The following TMEM170B variants were observed in gnomAD, a reference collection of about 807,000 sequenced individuals.
TMEM170B encodes transmembrane protein 170B.
In TMEM170B, 6 loss-of-function variants were observed where a neutral mutation model predicts 13.0. The ratio of observed to expected loss-of-function variants is 0.46; its 90% confidence interval spans 0.25 to 0.91. The LOEUF (loss-of-function observed/expected upper bound fraction) is 0.91. TMEM170B is among the 40% of genes least tolerant of loss of function. The pLI is 0.17. For synonymous variants in TMEM170B, 61 were observed against 64.9 expected (o/e 0.94, Z 0.29); for missense variants, 138 against 165.2 (o/e 0.84, Z 0.90).
chr6:11,545,532 C>T (rs1165922636), intron 1 of TMEM170B, among the ~76,000 whole-genome samples: 1 of 152,028 alleles, frequency 6.6e-6, no homozygotes, highest in Non-Finnish European at 1.5e-5. Context: ...GAGATCATGG[C>T]CGTCCTAATG....
Position 11,579,478 on chromosome 6 carries a change from A to G in TMEM170B, c.*3917A>G, listed in dbSNP as rs551619854. On this transcript the variant is annotated 3_prime_UTR_variant, in exon 3 of 3. Coordinates refer to ENST00000379426, the MANE Select transcript of TMEM170B (RefSeq NM_001100829.3). ...AATTACATTTTGCAATTGCATTACC[A>G]ATTGAATATGTTGTTTTGTAAAATT... 1 of 152,236 alleles carries G rather than the reference A, an allele frequency of 6.6e-6. No homozygotes were observed. The highest frequency in any genetic ancestry group is 1.5e-5 in the Non-Finnish European group (1 of 68,044). 9.4% of individuals were successfully genotyped at this position (152,236 alleles called of 1,614,324 possible). A position where few individuals can be genotyped will look rare whatever the true frequency, so the allele number is the denominator to read the frequency against.
At chr6:11,555,002 A>G (rs1404519396) in intron 1 of TMEM170B, among the ~76,000 whole-genome samples, 1 of 152,106 alleles carries the variant, frequency 6.6e-6, no homozygotes, top group Non-Finnish European at 1.5e-5. Context: ...CTTGGTGTAA[A>G]GTTTGCATCT....
In TMEM170B at chr6:11,538,394, TG is replaced by T; in HGVS notation, c.97+24del. The T allele has an allele frequency of 2.7e-6, 4 of 1,490,906 alleles. No homozygotes were observed. Among genetic ancestry groups the T allele is most frequent in the Non-Finnish European group, 1.8e-6 (2 of 1,119,330 alleles). The allele number at this position is 1,490,906 out of a possible 1,614,324, so 92.4% of individuals were successfully genotyped here. A position where few individuals can be genotyped will look rare whatever the true frequency, so the allele number is the denominator to read the frequency against. ...TCACGGGTAATTGACGCGCCTGGGC[TG>T]GGGACGGGGATGCGGTCCGCCCCTC... On this transcript the variant is annotated intron_variant, in intron 1 of 2. Transcript: ENST00000379426.
At chr6:11,541,245 AT>A (rs1759356726) in intron 1 of TMEM170B, among the ~76,000 whole-genome samples, 1 of 152,170 alleles carries the variant, frequency 6.6e-6, no homozygotes, top group Non-Finnish European at 1.5e-5. Context: ...CAAGTCCTAA[AT>A]GGCATCTTCT....
intron 1 of TMEM170B, among the ~76,000 whole-genome samples, chr6:11,548,656 A>G (rs1211846070): frequency 2.0e-5 from 3 of 152,188 alleles, no homozygotes; most frequent in East Asian, 3.8e-4. Context: ...CATAATAGCA[A>G]AGACTTGGAA....
intron 1 of TMEM170B, among the ~76,000 whole-genome samples, chr6:11,544,947 A>G (rs1759412559): frequency 6.6e-6 from 1 of 151,082 alleles, no homozygotes; most frequent in African/African-American, 2.4e-5. Flanking sequence ...CTACAATTAA[A>G]TGTTTTTTTT....
intron 1 of TMEM170B, among the ~76,000 whole-genome samples, chr6:11,539,125 A>C (rs1055276769): frequency 2.6e-5 from 4 of 152,206 alleles, no homozygotes; most frequent in Non-Finnish European, 1.5e-5. Flanking sequence ...AACACACAAT[A>C]TTTTTATTCA....
chr6:11,572,533 A>T (rs912205904), intron 2 of TMEM170B, among the ~76,000 whole-genome samples: 3 of 152,178 alleles, frequency 2.0e-5, no homozygotes, highest in African/African-American at 7.2e-5. Context: ...GACATTTAAG[A>T]TGAAAGTTTC....
chr6:11,573,132 T>C (rs982574117), intron 2 of TMEM170B, among the ~76,000 whole-genome samples: 1 of 152,186 alleles, frequency 6.6e-6, no homozygotes, highest in African/African-American at 2.4e-5. Context: ...AGTCTGTTCA[T>C]TGATGTGAAA....
chr6:11,543,422 A>G (rs1759388884), intron 1 of TMEM170B, among the ~76,000 whole-genome samples: 1 of 152,182 alleles, frequency 6.6e-6, no homozygotes, highest in African/African-American at 2.4e-5. Context: ...AAAACATGCA[A>G]ATGCTTATTG....
chr6:11,583,237 T>C lies in TMEM170B; in HGVS notation c.*7676T>C, dbSNP rs941573198. ...AGAAAGTAGGTCTACAAAGATAAGATCTAGGTTCCAATTCATTGCTTTAAG... is the reference window on the plus strand; with the variant it reads ...AGAAAGTAGGTCTACAAAGATAAGACCTAGGTTCCAATTCATTGCTTTAAG... On this transcript the variant is annotated 3_prime_UTR_variant, in exon 3 of 3. Coordinates refer to ENST00000379426, the MANE Select transcript of TMEM170B (RefSeq NM_001100829.3). 1 of 152,184 alleles carries C rather than the reference T, an allele frequency of 6.6e-6. No homozygotes were observed. The highest frequency in any genetic ancestry group is 2.4e-5 in the African/African-American group (1 of 41,454). 9.4% of individuals were successfully genotyped at this position (152,184 alleles called of 1,614,324 possible). A position where few individuals can be genotyped will look rare whatever the true frequency, so the allele number is the denominator to read the frequency against.
chr6:11,557,844 CAAAAATCCAG>C (rs958026499), intron 1 of TMEM170B, among the ~76,000 whole-genome samples: 1 of 152,284 alleles, frequency 6.6e-6, no homozygotes, highest in African/African-American at 2.4e-5. Context: ...AAAGCCAGTA[CAAAAATCCAG>C]GCCTTAATTT....
chr6:11,544,205 A>C (rs1759399707), intron 1 of TMEM170B, among the ~76,000 whole-genome samples: 1 of 152,182 alleles, frequency 6.6e-6, no homozygotes, highest in East Asian at 1.9e-4. Context: ...GAACATTCCT[A>C]ATCTGAAATT....
chr6:11,558,397 C>T (rs576096210), intron 1 of TMEM170B, among the ~76,000 whole-genome samples: 1 of 152,278 alleles, frequency 6.6e-6, no homozygotes, highest in East Asian at 1.9e-4. Context: ...TATACAATTT[C>T]ATGATTTGAA....
chr6:11,552,633 C>T (rs1313537676), intron 1 of TMEM170B, among the ~76,000 whole-genome samples: 2 of 152,166 alleles, frequency 1.3e-5, no homozygotes, highest in Non-Finnish European at 2.9e-5. Flanking sequence ...CATACATATT[C>T]AGCAGGTTTG....
At chr6:11,565,604 G>A in intron 1 of TMEM170B, 62 bp from the exon 2 acceptor site, 1 of 1,587,178 alleles carries the variant, frequency 6.3e-7, no homozygotes, top group Non-Finnish European at 8.6e-7. Flanking sequence ...CTCACTGTTT[G>A]TTAAATTGAA....
chr6:11,561,421 G>A (rs1197574578), intron 1 of TMEM170B, among the ~76,000 whole-genome samples: 1 of 152,132 alleles, frequency 6.6e-6, no homozygotes, highest in South Asian at 2.1e-4. Flanking sequence ...CTTTTTACTA[G>A]GTGTTCTTCC....
chr6:11,553,632 T>C (rs1582140987), intron 1 of TMEM170B, among the ~76,000 whole-genome samples: 1 of 152,288 alleles, frequency 6.6e-6, no homozygotes, highest in East Asian at 1.9e-4. Context: ...TCATATTGAT[T>C]AAGGGAGAGC....
At chr6:11,571,514 T>C (rs1759801630) in intron 2 of TMEM170B, among the ~76,000 whole-genome samples, 1 of 152,188 alleles carries the variant, frequency 6.6e-6, no homozygotes, top group Non-Finnish European at 1.5e-5. Flanking sequence ...GCAGTATTGC[T>C]TTCTCCACTT....
Sources: gnomAD v4.1 joint callset for allele counts (sites outside exome capture counted in the v4.1 genomes callset) on GRCh38, gnomAD v4.1.1 for gene constraint, MANE v1.5 for transcripts, NCBI Gene and HGNC (gene_info 2026-07-23, HGNC 2026-07-21) for gene names.